WSCD2: variants seen among roughly 807,000 people sequenced by gnomAD.
WSCD2 encodes the protein sialate:O-sulfotransferase 2.
In WSCD2, 28 loss-of-function variants were observed where a neutral mutation model predicts 55.7. The observed-to-expected ratio is 0.50, with a 90% CI of 0.37 to 0.69. The LOEUF is 0.69. WSCD2 is among the 30% of genes least tolerant of loss of function. The pLI is 0.00. For missense variants in WSCD2, 616 were observed against 762.1 expected, an observed-to-expected ratio of 0.81 and a Z score of 2.26; for synonymous variants, 301 against 301.9, an observed-to-expected ratio of 1.00 and a Z score of 0.03.
chr12:108,184,766 C>G (rs1488591165), intron 1 of WSCD2, among the ~76,000 whole-genome samples: 1 of 152,230 alleles, frequency 6.6e-6, no homozygotes, highest in Non-Finnish European at 1.5e-5. Context: ...GTATTGAGCA[C>G]TTACTTGGGT....
chr12:108,228,739 C>G (rs1565986803), intron 6 of WSCD2, among the ~76,000 whole-genome samples: 1 of 152,226 alleles, frequency 6.6e-6, no homozygotes, highest in Admixed American at 6.5e-5. Flanking sequence ...GTGGCAGCCC[C>G]ACCAATAGCC....
intron 1 of WSCD2, among the ~76,000 whole-genome samples, chr12:108,151,518 A>G (rs1255003494): frequency 6.6e-6 from 1 of 152,208 alleles, no homozygotes; most frequent in Non-Finnish European, 1.5e-5. Flanking sequence ...TCACTGAATC[A>G]AGATCAGAAG....
Position 108,218,283 on chromosome 12 carries a change from A to T in WSCD2, c.683-6456A>T, listed in dbSNP as rs12301493. ...AGAGTTCCCCATTTTACAGCTGAAGATGCTGAGTTCCAGAGAGGAGAAACA... is the reference window on the plus strand; with the variant it reads ...AGAGTTCCCCATTTTACAGCTGAAGTTGCTGAGTTCCAGAGAGGAGAAACA... On this transcript the variant is annotated intron_variant, in intron 4 of 8. Coordinates refer to ENST00000547525, the MANE Select transcript of WSCD2 (RefSeq NM_014653.4). Among the ~76,000 whole-genome samples the T allele has an allele frequency of 7.0e-3, 1,072 of 152,336 alleles. 10 individuals are homozygous for T. The highest frequency in any genetic ancestry group is 0.025 in the African/African-American group (1,020 of 41,574).
intron 1 of WSCD2, chr12:108,167,582 G>A (rs527377902): frequency 1.3e-5 from 2 of 152,264 alleles, no homozygotes; most frequent in South Asian, 4.2e-4. Context: ...ATTGCTTCAG[G>A]TATGGCTTGA....
intron 1 of WSCD2, among the ~76,000 whole-genome samples, chr12:108,170,943 G>A (rs1227840607): frequency 6.6e-6 from 1 of 152,128 alleles, no homozygotes; most frequent in Non-Finnish European, 1.5e-5. Context: ...GGCTAAGGCT[G>A]GGCTCAAAGG....
intron 1 of WSCD2, among the ~76,000 whole-genome samples, chr12:108,171,448 G>A (rs1027319710): frequency 2.0e-5 from 3 of 152,154 alleles, no homozygotes; most frequent in African/African-American, 7.2e-5. Context: ...AGTAAGGTGT[G>A]CTGGACATGT....
In WSCD2 at chr12:108,154,387, G is replaced by A. The variant is rs147514728; in HGVS notation, c.-552+24461G>A. On this transcript the variant is annotated intron_variant, in intron 1 of 8. Coordinates refer to ENST00000547525, the MANE Select transcript of WSCD2 (RefSeq NM_014653.4). The stretch of plus-strand genomic sequence containing the variant: ...CTTTTCATCCTCAAAACCAGCAATT[G>A]TATGCCTCTGGGCTCTGTTTCTGTT... Among the ~76,000 whole-genome samples, 8 of 152,190 alleles carry A rather than the reference G, an allele frequency of 5.3e-5. No individual in the cohort carries two copies. In the East Asian group the frequency reaches 1.4e-3, roughly 26 times the overall value.
In WSCD2 at chr12:108,210,351, G is replaced by A; in HGVS notation, c.682+46G>A. On this transcript the variant is annotated intron_variant, in intron 4 of 8. Coordinates refer to ENST00000547525, the MANE Select transcript of WSCD2 (RefSeq NM_014653.4). The surrounding 1 kb of genome is among the most constrained non-coding windows in gnomAD (Gnocchi z 4.3). ...CCTCTCTGCTGCTCCTCCCTCAGCTGCAGCCCTTGCCCACCAAAGAGTCCC... is the reference window on the plus strand; with the variant it reads ...CCTCTCTGCTGCTCCTCCCTCAGCTACAGCCCTTGCCCACCAAAGAGTCCC... 6.6e-7 allele frequency: 1 copy of A among 1,520,824 alleles called. No individual in the cohort carries two copies. 94.2% of individuals were successfully genotyped at this position (1,520,824 alleles called of 1,614,324 possible). A position where few individuals can be genotyped will look rare whatever the true frequency, so the allele number is the denominator to read the frequency against.
chr12:108,195,925 C>T lies in WSCD2; in HGVS notation c.93C>T (p.Ser31=), dbSNP rs527323878. The change falls in exon 2 of 9, where the codon AGC becomes AGT. Residue 31 remains serine, a synonymous_variant. Coordinates refer to ENST00000547525, the MANE Select transcript of WSCD2 (RefSeq NM_014653.4). ...TGGCACTCTACCTGACTGCTGGGAG[C>T]CTTGTCTTCCTTCACTCTGGCTTTG... The part of the protein sequence containing the change: ...TFLALYLTAG[S]LVFLHSGFVG... The T allele has an allele frequency of 2.5e-6, 4 of 1,614,174 alleles. No individual in the cohort carries two copies. The East Asian group carries it at 6.7e-5, about 27-fold the overall frequency.
rs556422261 is a variant in WSCD2 at position 108,227,342 on chromosome 12, T to A, written c.979+178T>A. Among the ~76,000 whole-genome samples the A allele has an allele frequency of 2.6e-5, 4 of 152,354 alleles. No individual in the cohort carries two copies. In the South Asian group the frequency reaches 8.3e-4, roughly 32 times the overall value. ...TTCCTGGATGGGCAACAGAAGGAATTCCCAGGGTGGGAAGCGTTCTGATGA... is the reference window on the plus strand; with the variant it reads ...TTCCTGGATGGGCAACAGAAGGAATACCCAGGGTGGGAAGCGTTCTGATGA... On this transcript the variant is annotated intron_variant, in intron 6 of 8. Transcript: ENST00000547525.
At chr12:108,153,062 C>T (rs1320841232) in intron 1 of WSCD2, among the ~76,000 whole-genome samples, 2 of 152,058 alleles carry the variant, frequency 1.3e-5, no homozygotes, top group African/African-American at 4.8e-5. Context: ...GAGATCACAC[C>T]ACTGCACTCC....
chr12:108,132,438 G>A (rs901083672), intron 1 of WSCD2, among the ~76,000 whole-genome samples: 7 of 152,340 alleles, frequency 4.6e-5, no homozygotes, highest in African/African-American at 1.7e-4. Flanking sequence ...ATAAGTGTGT[G>A]CACTCATGAG....
chr12:108,248,596 C>T lies in WSCD2; in HGVS notation c.*253C>T, dbSNP rs1386359217. 2 of 1,274,534 alleles carry T rather than the reference C, an allele frequency of 1.6e-6. No individual in the cohort carries two copies. The highest frequency in any genetic ancestry group is 2.0e-6 in the Non-Finnish European group (2 of 1,005,500). 79.0% of individuals were successfully genotyped at this position (1,274,534 alleles called of 1,614,324 possible). On this transcript the variant is annotated 3_prime_UTR_variant, in exon 9 of 9. Coordinates refer to ENST00000547525, the MANE Select transcript of WSCD2 (RefSeq NM_014653.4). This position sits in a 1 kb window ranked among gnomAD's most constrained non-coding sequence, Gnocchi z 4.3. ...CATCTTGTTTAGGGGGTTCTAGTTA[C>T]ATGGACTCTTTTCTGTCTCCTGGGT...
chr12:108,182,198 T>C (rs779195312), intron 1 of WSCD2, among the ~76,000 whole-genome samples: 1 of 150,778 alleles, frequency 6.6e-6, no homozygotes, highest in Non-Finnish European at 1.5e-5. Context: ...TCCATCCATC[T>C]GTTTTTCTCT....
rs79316914 is a variant in WSCD2 at position 108,137,336 on chromosome 12, C to T, written c.-552+7410C>T. Among the ~76,000 whole-genome samples the T allele has an allele frequency of 3.0e-3, 451 of 152,328 alleles. 4 individuals are homozygous for T. Among genetic ancestry groups the T allele is most frequent in the African/African-American group, 0.01 (435 of 41,554 alleles). On this transcript the variant is annotated intron_variant, in intron 1 of 8. Transcript: ENST00000547525. ...AAGAAAGTAGTCTGATTTAATTACT[C>T]CAGTGCCCATATCAGAAAAGAGCCA...
intron 5 of WSCD2, among the ~76,000 whole-genome samples, chr12:108,225,257 C>T (rs765055749): frequency 1.1e-4 from 17 of 152,160 alleles, no homozygotes; most frequent in East Asian, 1.9e-4. Flanking sequence ...AGCAAAGGCA[C>T]GTCTTACATG....
At chr12:108,163,954 A>G (rs949060374) in intron 1 of WSCD2, among the ~76,000 whole-genome samples, 1 of 152,080 alleles carries the variant, frequency 6.6e-6, no homozygotes, top group South Asian at 2.1e-4. Context: ...TACTAAAAGA[A>G]TAAGTGAATG....
chr12:108,187,916 G>A lies in WSCD2; in HGVS notation c.-551-7366G>A, dbSNP rs1471677381. Among the ~76,000 whole-genome samples, 3 of 152,142 alleles carry A rather than the reference G, an allele frequency of 2.0e-5. No individual in the cohort carries two copies. In the East Asian group the frequency reaches 5.8e-4, roughly 29 times the overall value. On this transcript the variant is annotated intron_variant, in intron 1 of 8. Coordinates refer to ENST00000547525, the MANE Select transcript of WSCD2 (RefSeq NM_014653.4). ...CTCCGTGGCCATTCCTGTCCATAGT[G>A]GCCCACCCTGACCCTGCAACAAGCG... is the stretch of plus-strand genomic sequence containing the variant.
chr12:108,160,873 A>G (rs1878988125), intron 1 of WSCD2, among the ~76,000 whole-genome samples: 1 of 152,236 alleles, frequency 6.6e-6, no homozygotes, highest in Non-Finnish European at 1.5e-5. Context: ...TTCAAATCCC[A>G]GCTCTGACAT....
Sources: gnomAD v4.1 joint callset for allele counts (sites outside exome capture counted in the v4.1 genomes callset) on GRCh38, gnomAD v4.1.1 for gene constraint, Gnocchi (gnomAD v3.1) non-coding constraint, MANE v1.5 for transcripts, NCBI Gene and HGNC (gene_info 2026-07-23, HGNC 2026-07-21) for gene names.